Variants in NOVA1 observed in about 807,000 individuals in gnomAD.
NOVA1 encodes the protein RNA-binding protein Nova-1.
NOVA1 carries 7 observed loss-of-function variants against 38.0 expected under a neutral mutation model. That is an observed-to-expected ratio of 0.18 (90% CI 0.10 to 0.35). The LOEUF (loss-of-function observed/expected upper bound fraction) is 0.35. Among genes scored for constraint, NOVA1 ranks in the 10% least tolerant of loss-of-function variants. NOVA1 has a pLI of 1.00. For synonymous variants in NOVA1, 270 were observed against 232.5 expected (o/e 1.16, Z -1.47); for missense variants, 460 against 616.0 (o/e 0.75, Z 2.68).
intron 2 of NOVA1, chr14:26,519,204 T>G (rs932712894): frequency 1.3e-5 from 2 of 151,018 alleles, no homozygotes; most frequent in Admixed American, 6.6e-5. Context: ...ATTTTGTCAA[T>G]GCCTTTAATA....
chr14:26,517,564 T>C (rs1888562487), intron 2 of NOVA1, among the ~76,000 whole-genome samples: 1 of 152,210 alleles, frequency 6.6e-6, no homozygotes, highest in Non-Finnish European at 1.5e-5. Flanking sequence ...AGAGTCTGTA[T>C]AATATAGTAG....
At chr14:26,527,220 A>G (rs1369577286) in intron 2 of NOVA1, among the ~76,000 whole-genome samples, 1 of 110,060 alleles carries the variant, frequency 9.1e-6, no homozygotes, top group Non-Finnish European at 2.0e-5. Context: ...TCAATGGGCT[A>G]GCTGTGTGGT....
At chr14:26,459,053 TGTACA>T (rs1436088978) in intron 4 of NOVA1, among the ~76,000 whole-genome samples, 22 of 152,094 alleles carry the variant, frequency 1.4e-4, no homozygotes, top group Admixed American at 1.4e-3. Flanking sequence ...TCTACAGCAG[TGTACA>T]GTAATGTCCC....
chr14:26,469,458 A>G (rs1884413934), intron 4 of NOVA1, among the ~76,000 whole-genome samples: 2 of 152,250 alleles, frequency 1.3e-5, no homozygotes, highest in African/African-American at 4.8e-5. Flanking sequence ...CTTTTTCATT[A>G]GCACTTGACA....
chr14:26,491,791 A>G (rs887510602), intron 2 of NOVA1, among the ~76,000 whole-genome samples: 2 of 152,114 alleles, frequency 1.3e-5, no homozygotes, highest in Non-Finnish European at 2.9e-5. Flanking sequence ...TCCATTAATT[A>G]TTGTCTTTCC....
At position 26,571,809 on chromosome 14, in the gene NOVA1, C is replaced by T. The variant is rs190810088; in HGVS notation, c.280+23601G>A. Among the ~76,000 whole-genome samples, 9 of 152,318 alleles carry T rather than the reference C, an allele frequency of 5.9e-5. No homozygotes were observed. In the East Asian group the frequency reaches 1.5e-3, roughly 26 times the overall value. On this transcript the variant is annotated intron_variant, in intron 2 of 4. Transcript: ENST00000539517. ...ATCAAAACTCAATAGAATATTATTACAAGCCTAGTTAAGTAAAAAGAAAGT... is the reference window on the plus strand; with the variant it reads ...ATCAAAACTCAATAGAATATTATTATAAGCCTAGTTAAGTAAAAAGAAAGT...
chr14:26,575,177 A>T (rs1566551033), intron 2 of NOVA1, among the ~76,000 whole-genome samples: 1 of 152,214 alleles, frequency 6.6e-6, no homozygotes, highest in Non-Finnish European at 1.5e-5. Context: ...ATTGCTTGAC[A>T]CTGACTAAAC....
chr14:26,540,798 T>G (rs1479053882), intron 2 of NOVA1, among the ~76,000 whole-genome samples: 1 of 152,152 alleles, frequency 6.6e-6, no homozygotes, highest in African/African-American at 2.4e-5. Flanking sequence ...ACTTCACAAT[T>G]AGTTGAGTGA....
At chr14:26,548,528 T>G (rs545553423) in intron 2 of NOVA1, among the ~76,000 whole-genome samples, 1 of 152,146 alleles carries the variant, frequency 6.6e-6, no homozygotes, top group African/African-American at 2.4e-5. Context: ...AGAAAAGAGA[T>G]AAAATGTCAT....
At chr14:26,570,477 T>C (rs575756021) in intron 2 of NOVA1, among the ~76,000 whole-genome samples, 31 of 151,994 alleles carry the variant, frequency 2.0e-4, no homozygotes, top group African/African-American at 7.5e-4. Flanking sequence ...AAATTGCAGT[T>C]GTCAATATGA....
intron 2 of NOVA1, among the ~76,000 whole-genome samples, chr14:26,550,876 G>A (rs1891119119): frequency 6.6e-6 from 1 of 152,052 alleles, no homozygotes; most frequent in African/African-American, 2.4e-5. Flanking sequence ...AGTGGAGTTA[G>A]AGATAGCTGA....
At chr14:26,467,961 A>G (rs868544401) in intron 4 of NOVA1, among the ~76,000 whole-genome samples, 4 of 152,178 alleles carry the variant, frequency 2.6e-5, no homozygotes, top group East Asian at 1.9e-4. Context: ...CACTGGTGTT[A>G]CAACCTGTAC....
intron 2 of NOVA1, among the ~76,000 whole-genome samples, chr14:26,500,438 A>G (rs1313892589): frequency 6.6e-6 from 1 of 152,022 alleles, no homozygotes; most frequent in Non-Finnish European, 1.5e-5. Flanking sequence ...TCCCAGGAAA[A>G]GAGAACTACA....
rs372806170 is a variant in NOVA1 at position 26,481,988 on chromosome 14, T to TAAAAAAAAAAAAAAAAAA, written c.281-1863_281-1846dup. Among the ~76,000 whole-genome samples the TAAAAAAAAAAAAAAAAAA allele has an allele frequency of 9.5e-4, 101 of 105,906 alleles. 1 individual carries two copies. The highest frequency in any genetic ancestry group is 4.8e-3 in the Middle Eastern group (1 of 210). The allele number at this position is 105,906 out of a possible 152,430, so 69.5% of individuals were successfully genotyped here. On this transcript the variant is annotated intron_variant, in intron 2 of 4. Coordinates refer to ENST00000539517, the MANE Select transcript of NOVA1 (RefSeq NM_002515.3). Reference sequence around the variant, plus strand: ...CAAAACAGTCTAACTTAGATAGAGATAAAAAAAAAAAAAAAAAAAAAAAAA... The same window carrying TAAAAAAAAAAAAAAAAAA: ...CAAAACAGTCTAACTTAGATAGAGATAAAAAAAAAAAAAAAAAAAAAAAAAAAAAAAAAAAAAAAAAAA...
At chr14:26,503,014 T>TA (rs1476041179) in intron 2 of NOVA1, among the ~76,000 whole-genome samples, 1 of 152,086 alleles carries the variant, frequency 6.6e-6, no homozygotes, top group Non-Finnish European at 1.5e-5. Context: ...TGTTTTCCTT[T>TA]AGTCTCCTAC....
chr14:26,499,305 C>A (rs1480236773), intron 2 of NOVA1, among the ~76,000 whole-genome samples: 1 of 151,830 alleles, frequency 6.6e-6, no homozygotes, highest in Non-Finnish European at 1.5e-5. Flanking sequence ...CTTAACTATA[C>A]ATAGTAAAAT....
At chr14:26,560,409 G>A (rs1891749986) in intron 2 of NOVA1, among the ~76,000 whole-genome samples, 1 of 152,056 alleles carries the variant, frequency 6.6e-6, no homozygotes. Context: ...ATTTCCTGAG[G>A]CTTTTGGGGA....
chr14:26,544,790 T>A (rs778618443), intron 2 of NOVA1, among the ~76,000 whole-genome samples: 14 of 151,914 alleles, frequency 9.2e-5, no homozygotes, highest in Admixed American at 3.3e-4. Context: ...AAACAGCATT[T>A]TATCAAGGAG....
intron 4 of NOVA1, among the ~76,000 whole-genome samples, chr14:26,464,425 G>C (rs1883952004): frequency 6.6e-6 from 1 of 152,130 alleles, no homozygotes; most frequent in African/African-American, 2.4e-5. Flanking sequence ...TACCATCTAG[G>C]TTCATGTAAA....
Sources: gnomAD v4.1 joint callset for allele counts (sites outside exome capture counted in the v4.1 genomes callset) on GRCh38, gnomAD v4.1.1 for gene constraint, MANE v1.5 for transcripts, NCBI Gene and HGNC (gene_info 2026-07-23, HGNC 2026-07-21) for gene names.